The following UVRAG variants were observed in gnomAD, a reference collection of about 807,000 sequenced individuals.
UVRAG encodes the protein UV radiation resistance associated.
In UVRAG, 19 loss-of-function variants were observed where a neutral mutation model predicts 78.0. The observed-to-expected ratio is 0.24, with a 90% CI of 0.17 to 0.36. The LOEUF (loss-of-function observed/expected upper bound fraction) is 0.36, where lower values mean the gene tolerates loss of function less well. Ranked by LOEUF, UVRAG falls within the 10% of genes least tolerant of loss-of-function variation. The pLI is 1.00. For missense variants in UVRAG, 740 were observed against 853.8 expected, an observed-to-expected ratio of 0.87 and a Z score of 1.66; for synonymous variants, 323 against 324.6, an observed-to-expected ratio of 1.00 and a Z score of 0.05.
At chr11:75,848,030 T>TA (rs1190960958) in intron 1 of UVRAG, among the ~76,000 whole-genome samples, 12,448 of 130,454 alleles carry the variant, frequency 0.095, 1,140 homozygotes, top group African/African-American at 0.24. Context: ...ACTCTGTCTC[T>TA]AAAAAAAAAA....
intron 1 of UVRAG, among the ~76,000 whole-genome samples, chr11:75,818,823 T>A (rs1945322586): frequency 6.6e-6 from 1 of 152,170 alleles, no homozygotes; most frequent in African/African-American, 2.4e-5. Context: ...TGGTTTAGGA[T>A]TTTTATGATC....
At chr11:76,047,557 G>A (rs1950783493) in intron 12 of UVRAG, among the ~76,000 whole-genome samples, 1 of 152,126 alleles carries the variant, frequency 6.6e-6, no homozygotes, top group African/African-American at 2.4e-5. Context: ...GAAGGACAAG[G>A]GAAGGGAAAA....
At chr11:75,996,429 A>G (rs574528468) in intron 8 of UVRAG, among the ~76,000 whole-genome samples, 4 of 152,190 alleles carry the variant, frequency 2.6e-5, no homozygotes, top group Non-Finnish European at 2.9e-5. Context: ...TAGAGTCAAC[A>G]TGGCAGGTGT....
chr11:76,034,490 G>A (rs966643036), intron 12 of UVRAG, among the ~76,000 whole-genome samples: 56 of 152,042 alleles, frequency 3.7e-4, no homozygotes, highest in African/African-American at 1.3e-3. Flanking sequence ...TGAGCTACCC[G>A]CACCTGGCCC....
chr11:76,108,511 G>T (rs1263483425), intron 13 of UVRAG, among the ~76,000 whole-genome samples: 1 of 152,164 alleles, frequency 6.6e-6, no homozygotes, highest in Non-Finnish European at 1.5e-5. Context: ...AACTGCAAGA[G>T]CTGTGACGTC....
At chr11:76,015,997 G>C (rs1950138878) in intron 11 of UVRAG, among the ~76,000 whole-genome samples, 1 of 152,178 alleles carries the variant, frequency 6.6e-6, no homozygotes, top group African/African-American at 2.4e-5. Context: ...CCTTCCTCTT[G>C]GGGGAAGTTT....
intron 3 of UVRAG, among the ~76,000 whole-genome samples, chr11:75,877,161 G>T (rs1946805853): frequency 6.6e-6 from 1 of 151,672 alleles, no homozygotes. Flanking sequence ...GCACAGGGTT[G>T]GGGGGTAAGG....
intron 13 of UVRAG, among the ~76,000 whole-genome samples, chr11:76,098,537 T>C (rs901867250): frequency 2.6e-5 from 4 of 152,298 alleles, no homozygotes; most frequent in Admixed American, 6.5e-5. Context: ...GTCAAGAATT[T>C]TTGGAGTTAG....
chr11:76,136,686 C>A (rs997757736), intron 14 of UVRAG, among the ~76,000 whole-genome samples: 2 of 151,832 alleles, frequency 1.3e-5, no homozygotes, highest in African/African-American at 4.8e-5. Flanking sequence ...TTTATAGAGA[C>A]AGGGTCTCCC....
At chr11:75,959,893 A>G (rs1187443534) in intron 6 of UVRAG, among the ~76,000 whole-genome samples, 1 of 152,212 alleles carries the variant, frequency 6.6e-6, no homozygotes, top group Non-Finnish European at 1.5e-5. Flanking sequence ...CTCAGGGAAT[A>G]TGGAGGCCCA....
At chr11:75,997,265 T>A (rs1373612450) in intron 8 of UVRAG, among the ~76,000 whole-genome samples, 1 of 152,234 alleles carries the variant, frequency 6.6e-6, no homozygotes, top group Non-Finnish European at 1.5e-5. Flanking sequence ...AACTGTAATT[T>A]TGACAGGAGC....
At chr11:76,043,483 T>G (rs756904770) in intron 12 of UVRAG, among the ~76,000 whole-genome samples, 1 of 152,198 alleles carries the variant, frequency 6.6e-6, no homozygotes, top group Non-Finnish European at 1.5e-5. Flanking sequence ...TCTTGATATA[T>G]TGGTATGTGT....
chr11:75,988,561 T>C (rs1314272410), intron 8 of UVRAG, among the ~76,000 whole-genome samples: 1 of 152,230 alleles, frequency 6.6e-6, no homozygotes, highest in African/African-American at 2.4e-5. Flanking sequence ...TAAAGCTGCA[T>C]AGATATTCAA....
rs1471930684 is a variant in UVRAG, at chr11:76,004,097, C to T, written c.911+8C>T. On this transcript the variant is annotated splice_region_variant and intron_variant, in intron 9 of 14. Coordinates refer to ENST00000356136, the MANE Select transcript of UVRAG (RefSeq NM_003369.4). ...GGAGTGCACTGCAAAAAGGTAAATG[C>T]ACACTGAGAAGAATTGCTGTGAGTG... 1.9e-6 allele frequency: 3 copies of T among 1,613,036 alleles called. No individual in the cohort carries two copies. The highest frequency in any genetic ancestry group is 2.2e-5 in the East Asian group (1 of 44,864).
intron 13 of UVRAG, among the ~76,000 whole-genome samples, chr11:76,110,155 G>A (rs903431358): frequency 2.7e-5 from 4 of 150,230 alleles, no homozygotes; most frequent in Admixed American, 6.6e-5. Context: ...TTTATGCCCA[G>A]CCTAGTGGTA....
At chr11:75,880,352 C>A in intron 4 of UVRAG, among the ~76,000 whole-genome samples, 1 of 152,188 alleles carries the variant, frequency 6.6e-6, no homozygotes, top group South Asian at 2.1e-4. Flanking sequence ...TTCTGTCTTA[C>A]TGGATGTCCT....
intron 14 of UVRAG, among the ~76,000 whole-genome samples, chr11:76,138,110 G>A (rs544368348): frequency 6.6e-6 from 1 of 152,290 alleles, no homozygotes; most frequent in African/African-American, 2.4e-5. Context: ...TCCATGAAAA[G>A]AGGAATAACA....
chr11:75,920,012 T>TTG, intron 6 of UVRAG, among the ~76,000 whole-genome samples: 1 of 60,382 alleles, frequency 1.7e-5, no homozygotes, highest in African/African-American at 1.1e-4. Flanking sequence ...ATTTTGGTTT[T>TTG]TTTTTTTTTT....
intron 12 of UVRAG, among the ~76,000 whole-genome samples, chr11:76,025,195 C>T (rs1341773122): frequency 6.6e-6 from 1 of 152,142 alleles, no homozygotes; most frequent in Non-Finnish European, 1.5e-5. Flanking sequence ...GCTCAGACCA[C>T]AAAACATGAG....
Sources: allele counts gnomAD v4.1 joint callset (sites outside exome capture counted in the v4.1 genomes callset), GRCh38; gene constraint gnomAD v4.1.1; transcripts MANE v1.5; gene names NCBI Gene and HGNC (gene_info 2026-07-23, HGNC 2026-07-21).